Variants in CRIM1 observed in about 807,000 individuals in gnomAD.
CRIM1 encodes cysteine-rich motor neuron 1 protein.
CRIM1 carries 32 observed loss-of-function variants against 116.4 expected under a neutral mutation model. That is an observed-to-expected ratio of 0.27 (90% CI 0.21 to 0.37). CRIM1 has a LOEUF of 0.37. Ranked by LOEUF, CRIM1 falls within the 10% of genes least tolerant of loss-of-function variation. The probability of loss-of-function intolerance (pLI) is 1.00; values close to 1 mark genes in which losing one functional copy is unlikely to be tolerated. For synonymous variants in CRIM1, 590 were observed against 509.2 expected (o/e 1.16, Z -2.13); for missense variants, 1,331 against 1,354.8 (o/e 0.98, Z 0.28).
intron 2 of CRIM1, among the ~76,000 whole-genome samples, chr2:36,414,203 C>T (rs1673432553): frequency 1.3e-5 from 2 of 152,168 alleles, no homozygotes; most frequent in South Asian, 4.1e-4. Context: ...CTGGTTCTGA[C>T]ATGGAAATAT....
At position 36,549,610 on chromosome 2, in the gene CRIM1, C is replaced by CTAGCTTAAGAAGAAACTTT. The variant is rs1171245717; in HGVS notation, c.*911_*929dup. ...GTTGTTCATAGTTTTTGTTGAAGCT[C>CTAGCTTAAGAAGAAACTTT]TAGCTTAAGAAGAAACTTTTTTTAA... On this transcript the variant is annotated 3_prime_UTR_variant, in exon 17 of 17. Coordinates refer to ENST00000280527, the MANE Select transcript of CRIM1 (RefSeq NM_016441.3). 4.6e-5 allele frequency: 7 copies of CTAGCTTAAGAAGAAACTTT among 152,334 alleles called. No individual in the cohort carries two copies. Among genetic ancestry groups the CTAGCTTAAGAAGAAACTTT allele is most frequent in the African/African-American group, 1.7e-4 (7 of 41,374 alleles). The allele number at this position is 152,334 out of a possible 1,614,324, so 9.4% of individuals were successfully genotyped here.
chr2:36,481,666 A>G (rs1306928667), intron 7 of CRIM1, among the ~76,000 whole-genome samples: 1 of 152,166 alleles, frequency 6.6e-6, no homozygotes, highest in African/African-American at 2.4e-5. Flanking sequence ...TGAAGCCTTT[A>G]TTATCCCATT....
intron 2 of CRIM1, among the ~76,000 whole-genome samples, chr2:36,440,458 G>C (rs761077612): frequency 6.6e-6 from 1 of 152,144 alleles, no homozygotes; most frequent in Admixed American, 6.5e-5. Context: ...GTTCGTATAG[G>C]TCTCTTAAAA....
chr2:36,406,020 C>G (rs1672754628), intron 2 of CRIM1, among the ~76,000 whole-genome samples: 1 of 152,046 alleles, frequency 6.6e-6, no homozygotes, highest in Non-Finnish European at 1.5e-5. Flanking sequence ...AACTTTATGT[C>G]TATGGATTTT....
chr2:36,477,935 A>G (rs571286791), intron 6 of CRIM1, among the ~76,000 whole-genome samples: 2 of 152,172 alleles, frequency 1.3e-5, no homozygotes, highest in Non-Finnish European at 2.9e-5. Flanking sequence ...TGACAACACA[A>G]CACTGTTTCC....
In CRIM1 at chr2:36,499,363, A is replaced by G; in HGVS notation, c.1501+16A>G. 1 of 1,612,328 alleles carries G rather than the reference A, an allele frequency of 6.2e-7. No individual in the cohort carries two copies. The highest frequency in any genetic ancestry group is 8.5e-7 in the Non-Finnish European group (1 of 1,179,296). Reference sequence around the variant, plus strand: ...TGCATAAACAGTGAGTAGACAGAAGACTGTATGTTTTTTCTGAGGCCTAAT... The same window carrying G: ...TGCATAAACAGTGAGTAGACAGAAGGCTGTATGTTTTTTCTGAGGCCTAAT... On this transcript the variant is annotated intron_variant, in intron 8 of 16. Transcript: ENST00000280527.
At chr2:36,515,764 C>T (rs1390042978) in intron 11 of CRIM1, among the ~76,000 whole-genome samples, 1 of 152,254 alleles carries the variant, frequency 6.6e-6, no homozygotes, top group Non-Finnish European at 1.5e-5. Flanking sequence ...TACCTGCAAA[C>T]ACGCACGTCA....
chr2:36,488,868 A>G (rs1305822956), intron 7 of CRIM1, among the ~76,000 whole-genome samples: 1 of 152,192 alleles, frequency 6.6e-6, no homozygotes, highest in Non-Finnish European at 1.5e-5. Context: ...AAGGCCAAGT[A>G]CTTGATCCTT....
chr2:36,479,808 G>T, intron 7 of CRIM1, 114 bp downstream of exon 7: 1 of 1,011,634 alleles, frequency 9.9e-7, no homozygotes, highest in Non-Finnish European at 1.5e-6. Context: ...GCTTCACGCT[G>T]TTACCAGTTG....
At chr2:36,446,010 C>T (rs1357328403) in intron 4 of CRIM1, among the ~76,000 whole-genome samples, 2 of 152,130 alleles carry the variant, frequency 1.3e-5, no homozygotes, top group Admixed American at 1.3e-4. Flanking sequence ...GAGAGCAAAG[C>T]TGATTATGTG....
chr2:36,532,683 G>A (rs1009083776), intron 13 of CRIM1, among the ~76,000 whole-genome samples: 5 of 152,176 alleles, frequency 3.3e-5, no homozygotes, highest in Non-Finnish European at 7.3e-5. Context: ...CAGAGGTGCT[G>A]GCGGACTGTG....
intron 2 of CRIM1, among the ~76,000 whole-genome samples, chr2:36,409,106 A>G (rs1673026345): frequency 6.6e-6 from 1 of 152,174 alleles, no homozygotes; most frequent in Non-Finnish European, 1.5e-5. Context: ...GCATACCATC[A>G]TACGTAAAAA....
intron 1 of CRIM1, among the ~76,000 whole-genome samples, chr2:36,382,921 G>A (rs946668988): frequency 6.6e-6 from 1 of 152,208 alleles, no homozygotes; most frequent in African/African-American, 2.4e-5. Context: ...CATCCTTTGG[G>A]AGTTGTCTGC....
chr2:36,416,816 C>T (rs1285058202), intron 2 of CRIM1, among the ~76,000 whole-genome samples: 1 of 152,224 alleles, frequency 6.6e-6, no homozygotes, highest in Non-Finnish European at 1.5e-5. Context: ...TTCTTCCTCC[C>T]ATGAGCTTTC....
chr2:36,425,743 A>T (rs1674398563), intron 2 of CRIM1, among the ~76,000 whole-genome samples: 1 of 152,200 alleles, frequency 6.6e-6, no homozygotes, highest in Non-Finnish European at 1.5e-5. Flanking sequence ...TTAAGTGGGT[A>T]ATGGGTAGAA....
intron 1 of CRIM1, among the ~76,000 whole-genome samples, chr2:36,374,113 CA>C (rs901135640): frequency 6.6e-6 from 1 of 152,108 alleles, no homozygotes; most frequent in African/African-American, 2.4e-5. Flanking sequence ...AAGGTAGACT[CA>C]AAAAGGATTG....
chr2:36,545,218 G>T (rs909501290), intron 15 of CRIM1, among the ~76,000 whole-genome samples: 3 of 152,096 alleles, frequency 2.0e-5, no homozygotes, highest in African/African-American at 7.2e-5. Context: ...AATATTCATT[G>T]CTTGAGAGAG....
intron 2 of CRIM1, among the ~76,000 whole-genome samples, chr2:36,405,482 C>G (rs1159174744): frequency 6.6e-6 from 1 of 152,164 alleles, no homozygotes; most frequent in Non-Finnish European, 1.5e-5. Flanking sequence ...CTAAGTTTCT[C>G]AAACTTGAGA....
intron 1 of CRIM1, among the ~76,000 whole-genome samples, chr2:36,375,672 G>A (rs981035609): frequency 2.0e-5 from 3 of 152,166 alleles, no homozygotes; most frequent in Non-Finnish European, 4.4e-5. Flanking sequence ...TTATTAGTTG[G>A]AAAGAGTACC....
Sources: gnomAD v4.1 joint callset for allele counts (sites outside exome capture counted in the v4.1 genomes callset) on GRCh38, gnomAD v4.1.1 for gene constraint, MANE v1.5 for transcripts, NCBI Gene and HGNC (gene_info 2026-07-23, HGNC 2026-07-21) for gene names.